Variants in SLC15A1 observed in about 807,000 individuals in gnomAD.
SLC15A1 encodes the protein solute carrier family 15 member 1.
Under a neutral mutation model 92.9 loss-of-function variants are expected in SLC15A1, and 83 were observed. The ratio of observed to expected loss-of-function variants is 0.89; its 90% CI spans 0.75 to 1.07. The LOEUF (loss-of-function observed/expected upper bound fraction) is 1.07, where lower values mean the gene tolerates loss of function less well. Among genes scored for constraint, SLC15A1 ranks in the 50% least tolerant of loss-of-function variants. The pLI, the probability that SLC15A1 is intolerant of heterozygous loss-of-function variation, is 0.00. For synonymous variants in SLC15A1, 322 were observed against 318.2 expected (o/e 1.01, Z -0.13); for missense variants, 857 against 880.1 (o/e 0.97, Z 0.33).
rs1334622003 is a variant in SLC15A1 at position 98,684,787 on chromosome 13, T to C, written c.2064A>G (p.Lys688=). 4 of 1,614,118 alleles carry C rather than the reference T, an allele frequency of 2.5e-6. No individual in the cohort carries two copies. The highest frequency in any genetic ancestry group is 1.7e-6 in the Non-Finnish European group (2 of 1,180,032). Residue 688 remains lysine, a synonymous_variant, in exon 23 of 23, where the codon AAA becomes AAG. Transcript: ENST00000376503. Reference sequence around the variant, plus strand: ...ATGGGTTACTCTTTTCCAGTCTGTTTTTCTTTTCATCCTCATCAAATTGAG... The same window carrying C: ...ATGGGTTACTCTTTTCCAGTCTGTTCTTCTTTTCATCCTCATCAAATTGAG... The part of the protein sequence containing the change: ...IEAQFDEDEK[K]NRLEKSNPYF...
At chr13:98,752,445 G>T in intron 1 of SLC15A1, 150 bp downstream of exon 1, 1 of 698,074 alleles carries the variant, frequency 1.4e-6, no homozygotes, top group Non-Finnish European at 2.0e-6. Flanking sequence ...GATCCCGGGC[G>T]CCCCGCAACC....
intron 2 of SLC15A1, 63 bp from the exon 3 acceptor site, chr13:98,726,512 G>T: frequency 6.8e-7 from 1 of 1,467,130 alleles, no homozygotes; most frequent in Non-Finnish European, 9.5e-7. Context: ...AGCCACAAAG[G>T]AGCACCAGTG....
rs2088163250 is a variant in SLC15A1, at chr13:98,711,618, C to T, written c.900+236G>A. On this transcript the variant is annotated intron_variant, in intron 11 of 22. Transcript: ENST00000376503. ...TGACTTGACCTCATGTAATTGTCTT[C>T]ATTGTTAGCAACAGAAATGTGGATA... Among the ~76,000 whole-genome samples, 5 of 152,180 alleles carry T rather than the reference C, an allele frequency of 3.3e-5. No individual in the cohort carries two copies. In the South Asian group the frequency reaches 1.0e-3, roughly 31 times the overall value.
At chr13:98,718,792 A>G (rs757457346) in intron 8 of SLC15A1, among the ~76,000 whole-genome samples, 3 of 152,138 alleles carry the variant, frequency 2.0e-5, no homozygotes, top group Non-Finnish European at 2.9e-5. Context: ...CTGGGCGACA[A>G]GAGCAAGACT....
intron 18 of SLC15A1, among the ~76,000 whole-genome samples, chr13:98,689,757 A>G (rs2087960177): frequency 6.6e-6 from 1 of 152,198 alleles, no homozygotes; most frequent in Non-Finnish European, 1.5e-5. Flanking sequence ...GCTGAGAGAC[A>G]GCTTTAAGGA....
intron 1 of SLC15A1, among the ~76,000 whole-genome samples, chr13:98,745,673 G>A (rs561845622): frequency 6.6e-6 from 1 of 152,260 alleles, no homozygotes; most frequent in African/African-American, 2.4e-5. Flanking sequence ...TTCACCCCCA[G>A]AGCCTTCGGA....
chr13:98,722,052 C>G, intron 5 of SLC15A1, 149 bp from the exon 6 acceptor site: 2 of 560,712 alleles, frequency 3.6e-6, no homozygotes, highest in Middle Eastern at 4.2e-4. Flanking sequence ...AGGAATGCAG[C>G]GTGATAGTCA....
At chr13:98,743,055 C>T (rs144254471) in intron 1 of SLC15A1, among the ~76,000 whole-genome samples, 119 of 152,280 alleles carry the variant, frequency 7.8e-4, no homozygotes, top group South Asian at 1.5e-3. Context: ...ATTACGGGCA[C>T]GAGCCACCAT....
chr13:98,729,478 C>T (rs1295886425), intron 1 of SLC15A1, among the ~76,000 whole-genome samples: 2 of 152,144 alleles, frequency 1.3e-5, no homozygotes, highest in Middle Eastern at 3.2e-3. Flanking sequence ...ACTTGGAGGA[C>T]CACATGCAGG....
intron 8 of SLC15A1, among the ~76,000 whole-genome samples, chr13:98,717,386 C>T (rs2088218772): frequency 6.6e-6 from 1 of 152,156 alleles, no homozygotes; most frequent in African/African-American, 2.4e-5. Context: ...TAACTGAAAC[C>T]TAATTCAAGC....
At chr13:98,743,602 C>A (rs969637723) in intron 1 of SLC15A1, among the ~76,000 whole-genome samples, 5 of 152,132 alleles carry the variant, frequency 3.3e-5, no homozygotes, top group African/African-American at 1.2e-4. Flanking sequence ...AGCTGTTTGG[C>A]AAAACAGGAA....
At chr13:98,741,548 C>T (rs993334449) in intron 1 of SLC15A1, among the ~76,000 whole-genome samples, 2 of 152,058 alleles carry the variant, frequency 1.3e-5, no homozygotes, top group Non-Finnish European at 2.9e-5. Flanking sequence ...CCAGCCTGGC[C>T]AACATGGTGA....
At chr13:98,718,667 T>C (rs1191798938) in intron 8 of SLC15A1, among the ~76,000 whole-genome samples, 4 of 151,836 alleles carry the variant, frequency 2.6e-5, no homozygotes, top group African/African-American at 7.3e-5. Flanking sequence ...CAATAAAAAA[T>C]ATGTGGTGGC....
chr13:98,709,705 G>A (rs2297319), intron 13 of SLC15A1, 37 bp downstream of exon 13: 774,612 of 1,613,720 alleles, frequency 0.48, 198,928 homozygotes, highest in Non-Finnish European at 0.54. Context: ...TCTCAAAGAC[G>A]ACTCTGATCC....
At chr13:98,726,931 G>T (rs943405375) in intron 1 of SLC15A1, 72 bp from the exon 2 acceptor site, 1 of 1,503,468 alleles carries the variant, frequency 6.7e-7, no homozygotes, top group Non-Finnish European at 9.2e-7. Flanking sequence ...TAAACTCAGA[G>T]CCTCTGACTT....
At chr13:98,733,146 G>A (rs906941284) in intron 1 of SLC15A1, among the ~76,000 whole-genome samples, 1 of 152,260 alleles carries the variant, frequency 6.6e-6, no homozygotes, top group Non-Finnish European at 1.5e-5. Flanking sequence ...CTCCCCGAGA[G>A]CCTTTCAAGG....
chr13:98,740,465 T>C (rs1421933937), intron 1 of SLC15A1, among the ~76,000 whole-genome samples: 1 of 152,088 alleles, frequency 6.6e-6, no homozygotes, highest in African/African-American at 2.4e-5. Flanking sequence ...GGCTCCATCC[T>C]CCTCCACCCC....
rs1406809546 is a variant in SLC15A1 at position 98,708,700 on chromosome 13, G to A, written c.1135C>T (p.Gln379Ter). 1 of 1,613,248 alleles carries A rather than the reference G, an allele frequency of 6.2e-7. No homozygotes were observed. Among genetic ancestry groups the A allele is most frequent in the Non-Finnish European group, 8.5e-7 (1 of 1,179,740 alleles). The part of the protein sequence containing the change: ...SMAFVVAAIV[Q>*]VEIDKTLPVF... ...GGACAACTCACATCGATTTCCACCTGCACGATGGCAGCCACCACAAAGGCC... is the reference window on the plus strand; with the variant it reads ...GGACAACTCACATCGATTTCCACCTACACGATGGCAGCCACCACAAAGGCC... Residue 379 changes from glutamine (Q) to a stop codon, truncating the protein, a stop_gained, in exon 15 of 23, where the codon CAG becomes TAG. Transcript: ENST00000376503. LOFTEE classifies it high-confidence loss of function.
rs1309996246 is a variant in SLC15A1 at position 98,709,617 on chromosome 13, T to A, written c.1022A>T (p.Asp341Val). The change falls in exon 14 of 23, where the codon GAT (aspartate) becomes GTT (valine). Residue 341 changes from aspartate (D) to valine (V), a missense_variant. Transcript: ENST00000376503. ...ILIVIMVPIF[D>V]AVLYPLIAKC... is the part of the protein sequence containing the mutation. Reference sequence around the variant, plus strand: ...TGCAATGAGAGGGTACAGCACAGCATCGAAGATCGGGACCATGATCACGAT... The same window carrying A: ...TGCAATGAGAGGGTACAGCACAGCAACGAAGATCGGGACCATGATCACGAT... 1 of 1,614,168 alleles carries A rather than the reference T, an allele frequency of 6.2e-7. No homozygotes were observed. Among genetic ancestry groups the A allele is most frequent in the East Asian group, 2.2e-5 (1 of 44,870 alleles).
Sources: allele counts gnomAD v4.1 joint callset (sites outside exome capture counted in the v4.1 genomes callset), GRCh38; gene constraint gnomAD v4.1.1; transcripts MANE v1.5; gene names NCBI Gene and HGNC (gene_info 2026-07-23, HGNC 2026-07-21).